The following SPTBN1 variants were observed in gnomAD, a reference collection of about 807,000 sequenced individuals.
The protein encoded by SPTBN1 is spectrin beta chain, non-erythrocytic 1.
Under a neutral mutation model 266.4 loss-of-function variants are expected in SPTBN1, and 32 were observed. The ratio of observed to expected loss-of-function variants is 0.12; its 90% CI spans 0.09 to 0.16. SPTBN1 has a LOEUF of 0.16. Ranked by LOEUF, SPTBN1 falls within the 10% of genes least tolerant of loss-of-function variation. The pLI is 1.00. For missense variants in SPTBN1, 2,296 were observed against 3,067.1 expected (o/e 0.75, Z 5.94); for synonymous variants, 1,336 against 1,162.2 (o/e 1.15, Z -3.04).
intron 2 of SPTBN1, among the ~76,000 whole-genome samples, chr2:54,564,390 T>A (rs1290526623): frequency 6.6e-6 from 1 of 152,038 alleles, no homozygotes; most frequent in Non-Finnish European, 1.5e-5. Context: ...GAAAAAGGGG[T>A]CTGCACAGCC....
chr2:54,516,238 T>C (rs998303636), intron 1 of SPTBN1: 2 of 152,224 alleles, frequency 1.3e-5, no homozygotes, highest in Admixed American at 6.5e-5. Context: ...AGCAAAACTT[T>C]AGTTTATTCA....
chr2:54,611,499 GTTTTA>G (rs887574958), intron 3 of SPTBN1, among the ~76,000 whole-genome samples: 1 of 151,638 alleles, frequency 6.6e-6, no homozygotes, highest in Non-Finnish European at 1.5e-5. Flanking sequence ...TTGTTTGTTT[GTTTTA>G]TTTAAAATGT....
chr2:54,555,817 G>A (rs1327387397), intron 2 of SPTBN1, among the ~76,000 whole-genome samples: 1 of 152,106 alleles, frequency 6.6e-6, no homozygotes, highest in Non-Finnish European at 1.5e-5. Context: ...CTTCTCCCTT[G>A]TTCCAGCCTG....
chr2:54,506,898 T>C (rs1018082094), intron 1 of SPTBN1, among the ~76,000 whole-genome samples: 2 of 148,972 alleles, frequency 1.3e-5, no homozygotes, highest in African/African-American at 2.5e-5. Context: ...CTCTCTCTTT[T>C]TTTTTTTTTT....
At chr2:54,599,026 G>C in intron 2 of SPTBN1, 66 bp from the exon 3 acceptor site, 1 of 1,573,644 alleles carries the variant, frequency 6.4e-7, no homozygotes, top group East Asian at 2.3e-5. Context: ...TTGTGGCCCT[G>C]CTAGCATGTG....
At position 54,629,370 on chromosome 2, in the gene SPTBN1, C is replaced by T; in HGVS notation, c.2236C>T (p.Leu746=). The part of the protein sequence containing the change: ...RKKRLEEASL[L]HQFQADADDI... ...GAAGCGCCTGGAGGAGGCCTCCCTG[C>T]TGCACCAGTTCCAGGCAGATGCTGA... is the stretch of plus-strand genomic sequence containing the variant. Residue 746 remains leucine (L), a synonymous_variant, in exon 14 of 36, where the codon CTG becomes TTG. Coordinates refer to ENST00000356805, the MANE Select transcript of SPTBN1 (RefSeq NM_003128.3). The T allele has an allele frequency of 1.2e-6, 2 of 1,614,148 alleles. No homozygotes were observed. The highest frequency in any genetic ancestry group is 1.7e-6 in the Non-Finnish European group (2 of 1,180,034).
rs926712356 is a variant in SPTBN1 at position 54,671,132 on chromosome 2, T to C, written c.*2563T>C. On this transcript the variant is annotated 3_prime_UTR_variant, in exon 36 of 36. Coordinates refer to ENST00000356805, the MANE Select transcript of SPTBN1 (RefSeq NM_003128.3). ...TGAAAATAAGGCTTAGGATATGAAA[T>C]GGCGTTGTCACTTGAATCAAGGCCA... 10 of 228,286 alleles carry C rather than the reference T, an allele frequency of 4.4e-5. No individual in the cohort carries two copies. Among genetic ancestry groups the C allele is most frequent in the Non-Finnish European group, 8.5e-5 (10 of 118,108 alleles). The allele number at this position is 228,286 out of a possible 1,614,324, so 14.1% of individuals were successfully genotyped here. A position where few individuals can be genotyped will look rare whatever the true frequency, so the allele number is the denominator to read the frequency against.
chr2:54,467,648 A>G (rs199943861), intron 1 of SPTBN1, among the ~76,000 whole-genome samples: 2 of 152,066 alleles, frequency 1.3e-5, no homozygotes, highest in African/African-American at 4.8e-5. Context: ...GCCTCCCAAA[A>G]TTCTGGGATT....
Position 54,645,052 on chromosome 2 carries a change from A to T in SPTBN1, c.4270-177A>T. The T allele has an allele frequency of 1.6e-6, 1 of 625,912 alleles. No homozygotes were observed. Among genetic ancestry groups the T allele is most frequent in the Non-Finnish European group, 2.8e-6 (1 of 360,060 alleles). The allele number at this position is 625,912 out of a possible 1,614,324, so 38.8% of individuals were successfully genotyped here. On this transcript the variant is annotated intron_variant, in intron 20 of 35. Coordinates refer to ENST00000356805, the MANE Select transcript of SPTBN1 (RefSeq NM_003128.3). The surrounding 1 kb of genome is among the most constrained non-coding windows in gnomAD (Gnocchi z 4.3). ...TTAAGGGCAAATGAATTTACCTCAG[A>T]TTTACTTGAAAACAGTTCCATTGAT... is the stretch of plus-strand genomic sequence containing the variant.
chr2:54,662,215 C>G (rs1681096188), intron 32 of SPTBN1: 1 of 985,386 alleles, frequency 1.0e-6, no homozygotes, highest in African/African-American at 1.7e-5. Flanking sequence ...TTGATCATAG[C>G]ACTGTGATTG....
chr2:54,628,079 G>A lies in SPTBN1; in HGVS notation c.1645-18G>A. The A allele has an allele frequency of 1.3e-6, 2 of 1,595,560 alleles. No individual in the cohort carries two copies. Among genetic ancestry groups the A allele is most frequent in the South Asian group, 1.1e-5 (1 of 88,234 alleles). ...GGCTATAGTCACAGATGTCCTTTTG[G>A]TTGCTTCTTGTGCACAGGTGCTAGT... On this transcript the variant is annotated intron_variant, in intron 12 of 35. Coordinates refer to ENST00000356805, the MANE Select transcript of SPTBN1 (RefSeq NM_003128.3). The surrounding 1 kb of genome is among the most constrained non-coding windows in gnomAD (Gnocchi z 4.3).
rs375859140 is a variant in SPTBN1, at chr2:54,621,387, C to T, written c.764-13C>T. ...CATGCAACACACTGAACAGAGTCTT[C>T]TCTGGGTTACAGACATCAGCGTGGA... On this transcript the variant is annotated splice_polypyrimidine_tract_variant and intron_variant, in intron 7 of 35. Coordinates refer to ENST00000356805, the MANE Select transcript of SPTBN1 (RefSeq NM_003128.3). 1.3e-5 allele frequency: 21 copies of T among 1,608,052 alleles called. No homozygotes were observed. In the African/African-American group the frequency reaches 2.3e-4, roughly 17 times the overall value.
chr2:54,611,879 G>T (rs1322955467), intron 3 of SPTBN1, among the ~76,000 whole-genome samples: 1 of 152,140 alleles, frequency 6.6e-6, no homozygotes, highest in Admixed American at 6.5e-5. Flanking sequence ...ATGAAAATTG[G>T]ATTCTCTCTT....
At chr2:54,469,437 A>G (rs1693806124) in intron 1 of SPTBN1, among the ~76,000 whole-genome samples, 1 of 151,830 alleles carries the variant, frequency 6.6e-6, no homozygotes, top group African/African-American at 2.4e-5. Context: ...GAAAAATCTG[A>G]GCTGGGCTGG....
chr2:54,598,352 T>C (rs1358503130), intron 2 of SPTBN1, among the ~76,000 whole-genome samples: 1 of 152,238 alleles, frequency 6.6e-6, no homozygotes, highest in Non-Finnish European at 1.5e-5. Flanking sequence ...CATTGAATCC[T>C]GTGTTGAGTC....
In SPTBN1 at chr2:54,540,797, T is replaced by G. The variant is rs1671889172; in HGVS notation, c.148+14231T>G. ...ACAGTTTTCCTGGAGAACTGTATTG[T>G]GACAAGGACATACAGAGTATTAGGT... On this transcript the variant is annotated intron_variant, in intron 2 of 35. Transcript: ENST00000356805. This position sits in a 1 kb window ranked among gnomAD's most constrained non-coding sequence, Gnocchi z 5.6. 1 of 152,228 alleles carries G rather than the reference T, an allele frequency of 6.6e-6. No individual in the cohort carries two copies. The highest frequency in any genetic ancestry group is 2.4e-5 in the African/African-American group (1 of 41,448). 9.4% of individuals were successfully genotyped at this position (152,228 alleles called of 1,614,324 possible).
At chr2:54,667,229 A>G (rs1395760211) in intron 34 of SPTBN1, among the ~76,000 whole-genome samples, 3 of 152,256 alleles carry the variant, frequency 2.0e-5, no homozygotes, top group African/African-American at 7.2e-5. Flanking sequence ...GCTCAGTAGC[A>G]GAATTTCAAA....
intron 1 of SPTBN1, among the ~76,000 whole-genome samples, chr2:54,489,734 A>G (rs2104003935): frequency 6.6e-6 from 1 of 152,314 alleles, no homozygotes; most frequent in Non-Finnish European, 1.5e-5. Context: ...TTCTGATTTG[A>G]GAGCTGATGA....
chr2:54,523,338 T>G (rs941195352), intron 1 of SPTBN1, among the ~76,000 whole-genome samples: 2 of 152,196 alleles, frequency 1.3e-5, no homozygotes, highest in Non-Finnish European at 2.9e-5. Flanking sequence ...GAATCCAGGA[T>G]TTTACTTCCA....
Sources: allele counts gnomAD v4.1 joint callset (sites outside exome capture counted in the v4.1 genomes callset), GRCh38; gene constraint gnomAD v4.1.1; non-coding constraint Gnocchi (gnomAD v3.1); transcripts MANE v1.5; gene names NCBI Gene and HGNC (gene_info 2026-07-23, HGNC 2026-07-21).